The following MVB12B variants were observed in gnomAD, a reference collection of about 807,000 sequenced individuals.
MVB12B encodes ESCRT-I complex subunit MVB12B.
MVB12B carries 16 observed loss-of-function variants against 41.6 expected under a neutral mutation model. The observed-to-expected ratio is 0.38, with a 90% CI of 0.26 to 0.58. The LOEUF (loss-of-function observed/expected upper bound fraction) is 0.58, where lower values mean the gene tolerates loss of function less well. Among genes scored for constraint, MVB12B ranks in the 20% least tolerant of loss-of-function variants. The pLI is 0.62. For synonymous variants in MVB12B, 133 were observed against 139.7 expected (o/e 0.95, Z 0.34); for missense variants, 274 against 380.2 (o/e 0.72, Z 2.32).
At chr9:126,353,884 A>G (rs1331210688) in intron 2 of MVB12B, among the ~76,000 whole-genome samples, 1 of 152,168 alleles carries the variant, frequency 6.6e-6, no homozygotes, top group Non-Finnish European at 1.5e-5. Flanking sequence ...GGATCAAAGG[A>G]TGTGTACATT....
intron 1 of MVB12B, chr9:126,335,213 G>T: frequency 1.7e-6 from 2 of 1,164,860 alleles, no homozygotes; most frequent in Non-Finnish European, 2.2e-6. Context: ...AGCAGCATTT[G>T]TCAGAGTGAT....
chr9:126,441,832 A>G (rs1342904636), intron 7 of MVB12B, among the ~76,000 whole-genome samples: 1 of 152,240 alleles, frequency 6.6e-6, no homozygotes, highest in South Asian at 2.1e-4. Context: ...CCTGAGCCAA[A>G]CAAGTGGACC....
At chr9:126,334,541 C>T (rs762879201) in intron 1 of MVB12B, among the ~76,000 whole-genome samples, 3 of 152,230 alleles carry the variant, frequency 2.0e-5, no homozygotes, top group Admixed American at 6.5e-5. Flanking sequence ...GTATGAGCAC[C>T]GTGCCCATCA....
chr9:126,387,993 A>G (rs1830846924), intron 4 of MVB12B, among the ~76,000 whole-genome samples: 1 of 152,254 alleles, frequency 6.6e-6, no homozygotes. Context: ...GATATGTTTT[A>G]TATTAATGTA....
intron 2 of MVB12B, among the ~76,000 whole-genome samples, chr9:126,348,879 A>G (rs1014128957): frequency 1.3e-5 from 2 of 152,246 alleles, no homozygotes; most frequent in African/African-American, 4.8e-5. Context: ...ACATTAATAC[A>G]GTACATTAAT....
intron 7 of MVB12B, among the ~76,000 whole-genome samples, chr9:126,466,011 T>C (rs536759748): frequency 1.6e-4 from 25 of 152,182 alleles, no homozygotes; most frequent in Non-Finnish European, 3.5e-4. Context: ...TCTGGAGAAA[T>C]CTATCTGAAT....
chr9:126,344,228 A>G lies in MVB12B; in HGVS notation c.204+3598A>G, dbSNP rs537580017. ...CACAGCTCCTGCCTTCATGAAGCAC[A>G]CAGTCTGGAGGGGAAGACAGGCAAT... On this transcript the variant is annotated intron_variant, in intron 2 of 9. Transcript: ENST00000361171. Among the ~76,000 whole-genome samples, 25 of 152,364 alleles carry G rather than the reference A, an allele frequency of 1.6e-4. 1 individual carries two copies. The South Asian group carries it at 4.1e-3, about 25-fold the overall frequency.
chr9:126,389,444 G>T lies in MVB12B; in HGVS notation c.410-2622G>T, dbSNP rs1354845513. 2.6e-5 allele frequency among the ~76,000 whole-genome samples: 4 copies of T among 152,156 alleles called. No individual in the cohort carries two copies. The highest frequency in any genetic ancestry group is 4.8e-5 in the African/African-American group (2 of 41,436). On this transcript the variant is annotated intron_variant, in intron 4 of 9. Coordinates refer to ENST00000361171, the MANE Select transcript of MVB12B (RefSeq NM_033446.3). This position sits in a 1 kb window ranked among gnomAD's most constrained non-coding sequence, Gnocchi z 4.4. ...TGGAAGATGTTTGTTTTAGTAAAGT[G>T]CTGTGTACTTTCTCTGTGTTCATTA...
chr9:126,453,583 G>T (rs1832921596), intron 7 of MVB12B, among the ~76,000 whole-genome samples: 1 of 152,170 alleles, frequency 6.6e-6, no homozygotes, highest in South Asian at 2.1e-4. Context: ...CATTACACAG[G>T]CTCAGCCTCT....
rs546943041 is a variant in MVB12B at position 126,332,326 on chromosome 9, T to C, written c.81+5316T>C. ...TATTCATTGCTCTATCACCCAGCAC[T>C]GTGGAGCTTCTCCTTGGCTGTGCAC... On this transcript the variant is annotated intron_variant, in intron 1 of 9. Transcript: ENST00000361171. 3.7e-4 allele frequency among the ~76,000 whole-genome samples: 56 copies of C among 152,302 alleles called. 2 individuals are homozygous for C. The South Asian group carries it at 0.011, about 29-fold the overall frequency.
At chr9:126,394,593 T>C (rs908531944) in intron 5 of MVB12B, among the ~76,000 whole-genome samples, 2 of 152,150 alleles carry the variant, frequency 1.3e-5, no homozygotes, top group East Asian at 1.9e-4. Flanking sequence ...GGGTTTGGGA[T>C]TGTCAGTTGG....
chr9:126,452,388 A>G (rs1386295766), intron 7 of MVB12B, among the ~76,000 whole-genome samples: 3 of 152,156 alleles, frequency 2.0e-5, no homozygotes, highest in Non-Finnish European at 4.4e-5. Context: ...TCGGACCAGC[A>G]CTGGGGACTC....
intron 7 of MVB12B, among the ~76,000 whole-genome samples, chr9:126,439,728 AAG>A (rs1434383212): frequency 9.8e-5 from 15 of 152,354 alleles, no homozygotes; most frequent in African/African-American, 3.6e-4. Context: ...TTATATGAAA[AAG>A]AGAATGCATA....
At chr9:126,372,261 A>G (rs770930657) in intron 2 of MVB12B, among the ~76,000 whole-genome samples, 5 of 152,230 alleles carry the variant, frequency 3.3e-5, no homozygotes, top group Non-Finnish European at 7.3e-5. Flanking sequence ...TGGCTATGCC[A>G]CATTTTTATC....
chr9:126,336,888 G>A (rs1032300732), intron 1 of MVB12B, among the ~76,000 whole-genome samples: 6 of 152,270 alleles, frequency 3.9e-5, no homozygotes, highest in East Asian at 1.9e-4. Flanking sequence ...CTGTATGCCC[G>A]CTTAGGGGAG....
Position 126,340,683 on chromosome 9 carries a change from A to G in MVB12B, c.204+53A>G. On this transcript the variant is annotated intron_variant, in intron 2 of 9. Coordinates refer to ENST00000361171, the MANE Select transcript of MVB12B (RefSeq NM_033446.3). The surrounding 1 kb of genome is among the most constrained non-coding windows in gnomAD (Gnocchi z 4.0). ...TTGCTCACTGATTCTACAAGTATTT[A>G]TCTCCTGTGTCCAAGACCTTCTGGC... The G allele has an allele frequency of 6.3e-7, 1 of 1,597,370 alleles. No individual in the cohort carries two copies. The highest frequency in any genetic ancestry group is 8.6e-7 in the Non-Finnish European group (1 of 1,167,370).
chr9:126,400,024 G>C (rs760395786), intron 6 of MVB12B, among the ~76,000 whole-genome samples: 2 of 152,182 alleles, frequency 1.3e-5, no homozygotes, highest in African/African-American at 2.4e-5. Flanking sequence ...GGGTCGGAGC[G>C]TGGGTGTGTG....
At position 126,392,270 on chromosome 9, in the gene MVB12B, C is replaced by T. The variant is rs1190870276; in HGVS notation, c.539+75C>T. 1.3e-6 allele frequency: 2 copies of T among 1,552,876 alleles called. No homozygotes were observed. The highest frequency in any genetic ancestry group is 1.8e-6 in the Non-Finnish European group (2 of 1,132,800). On this transcript the variant is annotated intron_variant, in intron 5 of 9. Transcript: ENST00000361171. The surrounding 1 kb of genome is among the most constrained non-coding windows in gnomAD (Gnocchi z 4.8). ...TCAGGCCACTCCAGGCAATGAGGTC[C>T]AAGAGATTTCCATGCAGCCCCCCAG... is the stretch of plus-strand genomic sequence containing the variant.
At chr9:126,492,911 G>T (rs1353736621) in intron 9 of MVB12B, among the ~76,000 whole-genome samples, 2 of 152,194 alleles carry the variant, frequency 1.3e-5, no homozygotes, top group African/African-American at 4.8e-5. Context: ...GAGCCACTGT[G>T]TTCTCACGCG....
Sources: gnomAD v4.1 joint callset for allele counts (sites outside exome capture counted in the v4.1 genomes callset) on GRCh38, gnomAD v4.1.1 for gene constraint, Gnocchi (gnomAD v3.1) non-coding constraint, MANE v1.5 for transcripts, NCBI Gene and HGNC (gene_info 2026-07-23, HGNC 2026-07-21) for gene names.